OR3A2: variants seen among roughly 807,000 people sequenced by gnomAD.
OR3A2 encodes the protein olfactory receptor family 3 subfamily A member 2, also known as olfactory receptor 3A2.
For synonymous variants in OR3A2, 126 were observed against 159.3 expected, an observed-to-expected ratio of 0.79 and a Z score of 1.57; for missense variants, 318 against 392.8, an observed-to-expected ratio of 0.81 and a Z score of 1.61.
intron 3 of OR3A2, among the ~76,000 whole-genome samples, chr17:3,295,526 G>A (rs903574919): frequency 1.3e-5 from 2 of 152,082 alleles, no homozygotes; most frequent in African/African-American, 2.4e-5. Context: ...CCCTTACAGT[G>A]AAAGGCTATT....
At chr17:3,339,444 C>T (rs550711168) in intron 2 of OR3A2, among the ~76,000 whole-genome samples, 5 of 152,134 alleles carry the variant, frequency 3.3e-5, no homozygotes, top group Non-Finnish European at 7.4e-5. Flanking sequence ...TTTTGAGATA[C>T]GTTCCATCAG....
At chr17:3,307,219 G>C (rs2049006590) in intron 3 of OR3A2, among the ~76,000 whole-genome samples, 1 of 152,258 alleles carries the variant, frequency 6.6e-6, no homozygotes, top group Non-Finnish European at 1.5e-5. Flanking sequence ...GACCTGCAAT[G>C]AGTCTTCAAG....
intron 2 of OR3A2, among the ~76,000 whole-genome samples, chr17:3,361,423 T>C (rs1222818287): frequency 2.0e-5 from 3 of 151,780 alleles, no homozygotes; most frequent in Admixed American, 6.6e-5. Context: ...TCTTACCTGA[T>C]TGCCCTGGCC....
In OR3A2 at chr17:3,294,237, A is replaced by G. The variant is rs1477962389; in HGVS notation, c.-84-15084T>C. Among the ~76,000 whole-genome samples, 4 of 152,088 alleles carry G rather than the reference A, an allele frequency of 2.6e-5. No homozygotes were observed. In the East Asian group the frequency reaches 7.7e-4, roughly 29 times the overall value. Reference sequence around the variant, plus strand: ...TAAAATAAGAAAACAGAGTAAAAATATAAGAGCTGAGGGAAGGGATTGCAA... The same window carrying G: ...TAAAATAAGAAAACAGAGTAAAAATGTAAGAGCTGAGGGAAGGGATTGCAA... On this transcript the variant is annotated intron_variant, in intron 3 of 4. Coordinates refer to the OR3A2 transcript ENST00000573491.
At chr17:3,355,599 G>C (rs1368350570) in intron 2 of OR3A2, among the ~76,000 whole-genome samples, 3 of 151,138 alleles carry the variant, frequency 2.0e-5, no homozygotes, top group Non-Finnish European at 4.4e-5. Flanking sequence ...TGCAGTTTTT[G>C]TCTGGACATC....
chr17:3,316,237 C>A (rs1036282621), intron 3 of OR3A2, among the ~76,000 whole-genome samples: 6 of 152,164 alleles, frequency 3.9e-5, no homozygotes, highest in Non-Finnish European at 7.3e-5. Flanking sequence ...AAACTTCTAG[C>A]AAAATTTTTG....
At chr17:3,306,493 T>C (rs946995219) in intron 3 of OR3A2, among the ~76,000 whole-genome samples, 5 of 152,156 alleles carry the variant, frequency 3.3e-5, no homozygotes, top group Admixed American at 3.3e-4. Context: ...CCAGATGTAA[T>C]GCAGTTACCT....
chr17:3,371,819 G>A (rs1319115219), intron 2 of OR3A2, among the ~76,000 whole-genome samples: 23 of 134,468 alleles, frequency 1.7e-4, no homozygotes, highest in East Asian at 7.3e-4. Flanking sequence ...TGGCCGGGCG[G>A]GGGGCTGACC....
chr17:3,342,507 C>T (rs992957645), intron 2 of OR3A2, among the ~76,000 whole-genome samples: 1 of 152,126 alleles, frequency 6.6e-6, no homozygotes, highest in African/African-American at 2.4e-5. Context: ...GTTAGTTTTC[C>T]TTCTGTCAGG....
At chr17:3,338,202 T>A (rs1363451544) in intron 2 of OR3A2, among the ~76,000 whole-genome samples, 3 of 152,196 alleles carry the variant, frequency 2.0e-5, no homozygotes, top group Non-Finnish European at 4.4e-5. Flanking sequence ...TTGCAAAAAT[T>A]TTCTCCCATT....
intron 3 of OR3A2, among the ~76,000 whole-genome samples, chr17:3,299,303 G>A (rs1475417987): frequency 6.6e-6 from 1 of 152,136 alleles, no homozygotes; most frequent in Non-Finnish European, 1.5e-5. Flanking sequence ...GGAGACAAAA[G>A]GGAGAAGCTT....
chr17:3,280,174 C>A (rs1372416813), intron 1 of OR3A2, among the ~76,000 whole-genome samples: 1 of 152,106 alleles, frequency 6.6e-6, no homozygotes, highest in Non-Finnish European at 1.5e-5. Flanking sequence ...CTTCCCTTGT[C>A]CTTGACTTAG....
intron 3 of OR3A2, among the ~76,000 whole-genome samples, chr17:3,328,131 T>A (rs1040048929): frequency 3.4e-5 from 5 of 144,954 alleles, no homozygotes; most frequent in Non-Finnish European, 7.4e-5. Flanking sequence ...GCATTGAATC[T>A]GTAAATTACC....
rs577158153 is a variant in OR3A2 at position 3,371,668 on chromosome 17, C to T, written c.-179+12136G>A. On this transcript the variant is annotated intron_variant, in intron 2 of 4. Transcript: ENST00000573491. Reference sequence around the variant, plus strand: ...CCGGGCAGAGGCGCCCCTCACCTCCCGGACGGGGCGGCTGGCCGGGCGGGG... The same window carrying T: ...CCGGGCAGAGGCGCCCCTCACCTCCTGGACGGGGCGGCTGGCCGGGCGGGG... Among the ~76,000 whole-genome samples, 152 of 134,864 alleles carry T rather than the reference C, an allele frequency of 1.1e-3. 2 individuals are homozygous for T. Among genetic ancestry groups the T allele is most frequent in the African/African-American group, 3.8e-3 (135 of 35,814 alleles). The allele number at this position is 134,864 out of a possible 152,430, so 88.5% of individuals were successfully genotyped here.
At chr17:3,348,211 T>C (rs938530064) in intron 2 of OR3A2, among the ~76,000 whole-genome samples, 2 of 152,172 alleles carry the variant, frequency 1.3e-5, no homozygotes, top group African/African-American at 4.8e-5. Flanking sequence ...TTCACTCTGA[T>C]GGTAGTTTCT....
intron 2 of OR3A2, among the ~76,000 whole-genome samples, chr17:3,379,512 G>C (rs1190215188): frequency 2.0e-5 from 3 of 152,168 alleles, no homozygotes; most frequent in Non-Finnish European, 2.9e-5. Context: ...TACTGTCCTG[G>C]AGCAAATCTG....
At chr17:3,278,212 C>A (rs775909322) in exon 2 of OR3A2, 3 of 1,614,192 alleles carry the variant, frequency 1.9e-6, no homozygotes, top group East Asian at 2.2e-5. Flanking sequence ...TTCTTTCGGC[C>A]CTCCACTGAA....
intron 2 of OR3A2, among the ~76,000 whole-genome samples, chr17:3,340,362 G>A (rs1276417958): frequency 1.3e-5 from 2 of 151,916 alleles, no homozygotes; most frequent in African/African-American, 4.8e-5. Flanking sequence ...GTGATGTTAG[G>A]GTGTCAATTT....
intron 3 of OR3A2, among the ~76,000 whole-genome samples, chr17:3,319,548 C>T (rs1027669439): frequency 6.6e-6 from 1 of 152,006 alleles, no homozygotes; most frequent in African/African-American, 2.4e-5. Flanking sequence ...CACAACAGTC[C>T]CCAGTATGTG....
Sources: gnomAD v4.1 joint callset for allele counts (sites outside exome capture counted in the v4.1 genomes callset) on GRCh38, gnomAD v4.1.1 for gene constraint, MANE v1.5 for transcripts, NCBI Gene and HGNC (gene_info 2026-07-23, HGNC 2026-07-21) for gene names.